The following BCAT1 variants were observed in gnomAD, a reference collection of about 807,000 sequenced individuals.
BCAT1 encodes branched chain amino acid transaminase 1.
Under a neutral mutation model 52.4 loss-of-function variants are expected in BCAT1, and 48 were observed. The observed-to-expected ratio is 0.92, with a 90% CI of 0.73 to 1.16. The LOEUF (loss-of-function observed/expected upper bound fraction) is 1.16. BCAT1 is among the 50% of genes most tolerant of loss of function. The probability of loss-of-function intolerance (pLI) is 0.00; values close to 1 mark genes in which losing one functional copy is unlikely to be tolerated. For synonymous variants in BCAT1, 167 were observed against 161.3 expected (o/e 1.04, Z -0.27); for missense variants, 451 against 457.1 (o/e 0.99, Z 0.12).
chr12:24,825,308 G>A (rs987210903), intron 10 of BCAT1, among the ~76,000 whole-genome samples: 2 of 152,016 alleles, frequency 1.3e-5, no homozygotes, highest in Admixed American at 1.3e-4. Flanking sequence ...TATACCCGGT[G>A]GTAGAATTGC....
At chr12:24,916,347 T>C (rs1021508332) in intron 1 of BCAT1, among the ~76,000 whole-genome samples, 1 of 152,192 alleles carries the variant, frequency 6.6e-6, no homozygotes, top group African/African-American at 2.4e-5. Context: ...AAAGGAATTG[T>C]GTGGGCAAGG....
At chr12:24,936,923 C>G (rs1469900293) in intron 1 of BCAT1, among the ~76,000 whole-genome samples, 1 of 152,024 alleles carries the variant, frequency 6.6e-6, no homozygotes, top group Admixed American at 6.6e-5. Context: ...TGCAAAATCC[C>G]TTTTACCATG....
chr12:24,910,421 A>G (rs1302734888), intron 1 of BCAT1, among the ~76,000 whole-genome samples: 2 of 128,558 alleles, frequency 1.6e-5, no homozygotes, highest in Non-Finnish European at 3.4e-5. Context: ...AAATAAATAA[A>G]TAAATTATTG....
intron 7 of BCAT1, among the ~76,000 whole-genome samples, chr12:24,837,613 G>A (rs1278135959): frequency 6.6e-6 from 1 of 151,852 alleles, no homozygotes; most frequent in Non-Finnish European, 1.5e-5. Flanking sequence ...TTTTAGTAGA[G>A]ACGGGGTTTC....
chr12:24,829,772 T>C (rs1940569685), intron 10 of BCAT1, 51 bp downstream of exon 10: 2 of 1,363,360 alleles, frequency 1.5e-6, no homozygotes, highest in Non-Finnish European at 2.0e-6. Flanking sequence ...TAAGGTGACA[T>C]AAAAAAAAGA....
At chr12:24,834,403 G>A (rs1373902389) in intron 8 of BCAT1, 3 of 985,076 alleles carry the variant, frequency 3.0e-6, no homozygotes, top group Non-Finnish European at 3.6e-6. Context: ...ATAGGAAATG[G>A]GAAAAAGATC....
At chr12:24,900,328 T>C (rs1458564898) in intron 2 of BCAT1, among the ~76,000 whole-genome samples, 1 of 152,208 alleles carries the variant, frequency 6.6e-6, no homozygotes, top group East Asian at 1.9e-4. Context: ...GGCTTATGCC[T>C]GTGACCCAGC....
intron 1 of BCAT1, among the ~76,000 whole-genome samples, chr12:24,911,291 C>T (rs79286704): frequency 0.07 from 10,598 of 152,100 alleles, 430 homozygotes; most frequent in African/African-American, 0.091. Flanking sequence ...TCAGTTAACA[C>T]CAGATGACAT....
intron 3 of BCAT1, among the ~76,000 whole-genome samples, chr12:24,887,307 G>T (rs1942710267): frequency 6.6e-6 from 1 of 151,576 alleles, no homozygotes. Context: ...TGTCATCTCT[G>T]TCTATACTTA....
intron 6 of BCAT1, 116 bp from the exon 7 acceptor site, chr12:24,842,340 T>G: frequency 8.7e-7 from 1 of 1,152,172 alleles, no homozygotes; most frequent in Non-Finnish European, 1.2e-6. Context: ...GAAGGTATTA[T>G]GTTCTTAATA....
At chr12:24,916,299 GT>G (rs1377818316) in intron 1 of BCAT1, among the ~76,000 whole-genome samples, 1 of 152,146 alleles carries the variant, frequency 6.6e-6, no homozygotes, top group Non-Finnish European at 1.5e-5. Flanking sequence ...CTGTCAGAAA[GT>G]GACATTCTTT....
intron 1 of BCAT1, among the ~76,000 whole-genome samples, chr12:24,944,697 A>C (rs889099282): frequency 3.3e-5 from 5 of 152,254 alleles, no homozygotes; most frequent in Admixed American, 6.5e-5. Context: ...ACCGAAATAA[A>C]GAACTGACAA....
intron 1 of BCAT1, among the ~76,000 whole-genome samples, chr12:24,934,066 CGGCA>C (rs1943719125): frequency 6.6e-6 from 1 of 152,148 alleles, no homozygotes; most frequent in Non-Finnish European, 1.5e-5. Context: ...TAGTTTCTGC[CGGCA>C]TTCACCCGTG....
At chr12:24,920,076 C>A (rs1215274017) in intron 1 of BCAT1, among the ~76,000 whole-genome samples, 1 of 152,024 alleles carries the variant, frequency 6.6e-6, no homozygotes, top group Non-Finnish European at 1.5e-5. Flanking sequence ...ATACACTTAC[C>A]CTCTCTGTGC....
intron 5 of BCAT1, among the ~76,000 whole-genome samples, chr12:24,868,769 T>C (rs1026602432): frequency 2.6e-5 from 4 of 152,068 alleles, no homozygotes; most frequent in African/African-American, 9.7e-5. Flanking sequence ...GTATAAAACA[T>C]AAAGAAAACT....
intron 4 of BCAT1, among the ~76,000 whole-genome samples, 176 bp from the exon 5 acceptor site, chr12:24,878,825 T>C (rs185864153): frequency 5.9e-5 from 9 of 152,340 alleles, no homozygotes. Context: ...ATTTCTTTCT[T>C]ATTTGTCCTA....
chr12:24,946,192 T>G (rs959658523), intron 1 of BCAT1, among the ~76,000 whole-genome samples: 37 of 152,340 alleles, frequency 2.4e-4, no homozygotes, highest in African/African-American at 7.7e-4. Flanking sequence ...AATTTACTCA[T>G]AAGCCCAGCC....
At chr12:24,863,722 G>C (rs1340714621) in intron 5 of BCAT1, among the ~76,000 whole-genome samples, 3 of 152,190 alleles carry the variant, frequency 2.0e-5, no homozygotes, top group African/African-American at 7.2e-5. Context: ...CTTGAGACCA[G>C]GAGTTTGAGG....
chr12:24,817,151 A>C lies in BCAT1; in HGVS notation c.*857T>G, dbSNP rs1939906448. ...ATGACTTAGTAGCTCATGGAAAATA[A>C]AGACAATATAAGGTAAATCTATACA... is the stretch of plus-strand genomic sequence containing the variant. On this transcript the variant is annotated 3_prime_UTR_variant, in exon 11 of 11. Transcript: ENST00000261192. 1.3e-5 allele frequency: 2 copies of C among 152,410 alleles called. No homozygotes were observed. The highest frequency in any genetic ancestry group is 4.1e-4 in the South Asian group (2 of 4,824). 9.4% of individuals were successfully genotyped at this position (152,410 alleles called of 1,614,324 possible). A position where few individuals can be genotyped will look rare whatever the true frequency, so the allele number is the denominator to read the frequency against.
Sources: gnomAD v4.1 joint callset for allele counts (sites outside exome capture counted in the v4.1 genomes callset) on GRCh38, gnomAD v4.1.1 for gene constraint, MANE v1.5 for transcripts, NCBI Gene and HGNC (gene_info 2026-07-23, HGNC 2026-07-21) for gene names.